The following CSMD1 variants were observed in gnomAD, a reference collection of about 807,000 sequenced individuals.
CSMD1 encodes the protein CUB and Sushi multiple domains 1.
CSMD1 carries 213 observed loss-of-function variants against 417.5 expected under a neutral mutation model. That is an observed-to-expected ratio of 0.51 (90% CI 0.46 to 0.57). CSMD1 has a LOEUF of 0.57. Among genes scored for constraint, CSMD1 ranks in the 20% least tolerant of loss-of-function variants. CSMD1 has a pLI of 0.00. For missense variants in CSMD1, 6,923 were observed against 4,529.7 expected (o/e 1.53, Z -15.17); for synonymous variants, 2,862 against 1,736.8 (o/e 1.65, Z -16.11).
intron 26 of CSMD1, among the ~76,000 whole-genome samples, chr8:3,233,689 A>G (rs1483305900): frequency 1.3e-5 from 2 of 152,084 alleles, no homozygotes; most frequent in African/African-American, 4.8e-5. Context: ...TGAATCCGAT[A>G]AGAATTCCAA....
chr8:3,142,220 G>A (rs976907365), intron 41 of CSMD1, among the ~76,000 whole-genome samples: 9 of 152,074 alleles, frequency 5.9e-5, no homozygotes, highest in Non-Finnish European at 1.2e-4. Context: ...TGCAATTCCC[G>A]TCTTGATAAA....
At chr8:3,387,726 TG>T in intron 17 of CSMD1, 44 bp from the exon 18 acceptor site, 1 of 1,501,524 alleles carries the variant, frequency 6.7e-7, no homozygotes, top group Non-Finnish European at 9.0e-7. Flanking sequence ...TCTTTCTGGT[TG>T]ATTGAAAATA....
At chr8:4,323,901 A>T (rs1799410193) in intron 3 of CSMD1, among the ~76,000 whole-genome samples, 1 of 152,102 alleles carries the variant, frequency 6.6e-6, no homozygotes, top group Admixed American at 6.6e-5. Context: ...TGAGTCTTGG[A>T]GTTCTGAGCC....
intron 25 of CSMD1, among the ~76,000 whole-genome samples, chr8:3,300,766 G>C (rs780645431): frequency 6.6e-6 from 1 of 151,762 alleles, no homozygotes; most frequent in Non-Finnish European, 1.5e-5. Flanking sequence ...AGACTAGCCT[G>C]GCAACAGGGC....
chr8:3,388,719 C>T (rs1379616766), intron 17 of CSMD1, among the ~76,000 whole-genome samples: 1 of 152,112 alleles, frequency 6.6e-6, no homozygotes, highest in Non-Finnish European at 1.5e-5. Flanking sequence ...TGTCTATTGC[C>T]CTAAACAACA....
intron 3 of CSMD1, among the ~76,000 whole-genome samples, chr8:4,102,905 CT>C (rs1563126941): frequency 6.6e-6 from 1 of 152,144 alleles, no homozygotes; most frequent in Admixed American, 6.6e-5. Context: ...TAGCAAAGTG[CT>C]GAGTGCTGGA....
chr8:4,907,398 A>T (rs1425383716), intron 1 of CSMD1, among the ~76,000 whole-genome samples: 1 of 152,224 alleles, frequency 6.6e-6, no homozygotes. Context: ...TCCCTCAAGT[A>T]TGAATTACTG....
chr8:3,452,047 G>C (rs1357607815), intron 12 of CSMD1, among the ~76,000 whole-genome samples: 4 of 152,084 alleles, frequency 2.6e-5, no homozygotes, highest in Non-Finnish European at 5.9e-5. Context: ...TTGTAAGTTG[G>C]ATTCCTAGGT....
intron 3 of CSMD1, among the ~76,000 whole-genome samples, chr8:4,277,766 G>T (rs938539748): frequency 1.3e-5 from 2 of 152,000 alleles, no homozygotes; most frequent in East Asian, 3.9e-4. Context: ...TGTTTTTTCT[G>T]AGACGGAGTC....
intron 7 of CSMD1, among the ~76,000 whole-genome samples, chr8:3,694,312 G>A (rs1209436676): frequency 1.3e-5 from 2 of 152,026 alleles, no homozygotes; most frequent in Non-Finnish European, 2.9e-5. Flanking sequence ...GCTTCCAGGA[G>A]CACAGCAGCA....
In CSMD1 at chr8:3,515,630, G is replaced by C. The variant is rs1371899882; in HGVS notation, c.1345-21904C>G. ...ATTACTGTGGCACGTGTACTTGGCAGGCCACTGGAAATGTGGCCAACTTGC... is the reference window on the plus strand; with the variant it reads ...ATTACTGTGGCACGTGTACTTGGCACGCCACTGGAAATGTGGCCAACTTGC... On this transcript the variant is annotated intron_variant, in intron 10 of 69. Coordinates refer to ENST00000635120, the MANE Select transcript of CSMD1 (RefSeq NM_033225.6). Among the ~76,000 whole-genome samples, 4 of 152,186 alleles carry C rather than the reference G, an allele frequency of 2.6e-5. No homozygotes were observed. In the East Asian group the frequency reaches 5.8e-4, roughly 22 times the overall value.
chr8:4,097,827 T>C (rs1326745605), intron 3 of CSMD1, among the ~76,000 whole-genome samples: 1 of 152,192 alleles, frequency 6.6e-6, no homozygotes, highest in Non-Finnish European at 1.5e-5. Context: ...GTTTGCCCTG[T>C]CTATTGTTTC....
intron 1 of CSMD1, among the ~76,000 whole-genome samples, chr8:4,938,298 G>A (rs1807758879): frequency 1.3e-5 from 2 of 152,116 alleles, no homozygotes; most frequent in Admixed American, 6.5e-5. Flanking sequence ...TGGGAAATTT[G>A]ACAGGAAAAG....
chr8:3,901,937 C>G (rs1001530176), intron 5 of CSMD1, among the ~76,000 whole-genome samples: 47 of 152,122 alleles, frequency 3.1e-4, no homozygotes, highest in African/African-American at 1.1e-3. Context: ...AACAAGAGGA[C>G]CAGACATGTA....
intron 2 of CSMD1, among the ~76,000 whole-genome samples, chr8:4,489,561 G>C (rs949974995): frequency 6.6e-6 from 1 of 152,160 alleles, no homozygotes; most frequent in Non-Finnish European, 1.5e-5. Context: ...CTATGAAGGT[G>C]CCACCCTCCC....
At chr8:4,974,540 T>A (rs1810434504) in intron 1 of CSMD1, among the ~76,000 whole-genome samples, 1 of 152,076 alleles carries the variant, frequency 6.6e-6, no homozygotes, top group Non-Finnish European at 1.5e-5. Context: ...TGAGAGTTAG[T>A]TCAGGCATAC....
chr8:3,960,389 G>C (rs1180089927), intron 5 of CSMD1, among the ~76,000 whole-genome samples: 2 of 152,154 alleles, frequency 1.3e-5, no homozygotes, highest in East Asian at 3.9e-4. Flanking sequence ...TGGCGTGAAT[G>C]TCTTCTATGC....
chr8:4,647,136 A>G lies in CSMD1; in HGVS notation c.86-9578T>C, dbSNP rs898231666. ...TCTCCAACAAGTCAAATTTAAATGT[A>G]TAAAAATCACAAATGGGTTCATATC... On this transcript the variant is annotated intron_variant, in intron 1 of 69. Transcript: ENST00000635120. Among the ~76,000 whole-genome samples, 3 of 152,296 alleles carry G rather than the reference A, an allele frequency of 2.0e-5. No homozygotes were observed. The East Asian group carries it at 5.8e-4, about 29-fold the overall frequency.
chr8:4,418,506 T>C (rs959390095), intron 3 of CSMD1, among the ~76,000 whole-genome samples: 2 of 152,098 alleles, frequency 1.3e-5, no homozygotes, highest in African/African-American at 4.8e-5. Context: ...AGCTATCAAC[T>C]TCATCAGGAG....
Sources: gnomAD v4.1 joint callset for allele counts (sites outside exome capture counted in the v4.1 genomes callset) on GRCh38, gnomAD v4.1.1 for gene constraint, MANE v1.5 for transcripts, NCBI Gene and HGNC (gene_info 2026-07-23, HGNC 2026-07-21) for gene names.